The following MCF2L2 variants were observed in gnomAD, a reference collection of about 807,000 sequenced individuals.
MCF2L2 encodes probable guanine nucleotide exchange factor MCF2L2.
MCF2L2 carries 102 observed loss-of-function variants against 150.2 expected under a neutral mutation model. The ratio of observed to expected loss-of-function variants is 0.68; its 90% CI spans 0.58 to 0.80. The LOEUF is 0.80. MCF2L2 is among the 30% of genes least tolerant of loss of function. MCF2L2 has a pLI of 0.00. For missense variants in MCF2L2, 1,256 were observed against 1,372.8 expected, an observed-to-expected ratio of 0.91 and a Z score of 1.34; for synonymous variants, 465 against 491.3, an observed-to-expected ratio of 0.95 and a Z score of 0.71.
intron 10 of MCF2L2, among the ~76,000 whole-genome samples, chr3:183,306,306 GATAA>G (rs1012697380): frequency 6.2e-4 from 95 of 152,190 alleles, no homozygotes; most frequent in African/African-American, 2.2e-3. Flanking sequence ...TCCCACTCAG[GATAA>G]ATAGTCATCA....
At position 183,283,286 on chromosome 3, in the gene MCF2L2, G is replaced by GCCTT. The variant is rs1727606639; in HGVS notation, c.1776+5830_1776+5833dup. On this transcript the variant is annotated intron_variant, in intron 14 of 29. Transcript: ENST00000328913. The surrounding 1 kb of genome is among the most constrained non-coding windows in gnomAD (Gnocchi z 4.2). ...CTGCCAGCGGCTGGTCAGCCTGCCTGCCTTCATCTAACCTGCTCTTTACTG... is the reference window on the plus strand; with the variant it reads ...CTGCCAGCGGCTGGTCAGCCTGCCTGCCTTCCTTCATCTAACCTGCTCTTTACTG... Among the ~76,000 whole-genome samples the GCCTT allele has an allele frequency of 6.6e-6, 1 of 152,132 alleles. No homozygotes were observed. Among genetic ancestry groups the GCCTT allele is most frequent in the Non-Finnish European group, 1.5e-5 (1 of 68,028 alleles).
chr3:183,294,114 C>T (rs1230834828), intron 13 of MCF2L2, among the ~76,000 whole-genome samples: 1 of 152,114 alleles, frequency 6.6e-6, no homozygotes, highest in Non-Finnish European at 1.5e-5. Flanking sequence ...ATAGCCAAAA[C>T]AACCTTGAAA....
At chr3:183,253,119 G>A (rs1480907998) in intron 15 of MCF2L2, 1 of 151,872 alleles carries the variant, frequency 6.6e-6, no homozygotes, top group Non-Finnish European at 1.5e-5. Context: ...CTGGGGCGGG[G>A]CCCATCACCT....
At chr3:183,346,995 T>C (rs28861452) in intron 3 of MCF2L2, among the ~76,000 whole-genome samples, 4,210 of 152,252 alleles carry the variant, frequency 0.028, 207 homozygotes, top group African/African-American at 0.096. Flanking sequence ...AAGTAATTTA[T>C]AGATTTACTG....
intron 10 of MCF2L2, 80 bp downstream of exon 10, chr3:183,309,636 C>T: frequency 6.3e-7 from 1 of 1,589,676 alleles, no homozygotes; most frequent in Admixed American, 1.7e-5. Flanking sequence ...TAGCAACCTT[C>T]CAATAGCAAT....
intron 18 of MCF2L2, chr3:183,225,810 T>C (rs1234093459): frequency 2.0e-5 from 3 of 152,248 alleles, no homozygotes; most frequent in African/African-American, 7.2e-5. Context: ...AAAGCACTTT[T>C]TACTTTATGG....
intron 23 of MCF2L2, among the ~76,000 whole-genome samples, chr3:183,207,158 C>A (rs1722523732): frequency 6.6e-6 from 1 of 152,092 alleles, no homozygotes; most frequent in South Asian, 2.1e-4. Flanking sequence ...GAAACAGTTT[C>A]TAAACAGGTG....
At position 183,178,876 on chromosome 3, in the gene MCF2L2, C is replaced by G. The variant is rs1721406082; in HGVS notation, c.*504G>C. On this transcript the variant is annotated 3_prime_UTR_variant, in exon 30 of 30. Transcript: ENST00000328913. ...GTCTGCGGCCCCCGCCGGGTTGGAG[C>G]GGCTCCGGCTCCTCCAAGGCTCGGG... 6.6e-6 allele frequency: 1 copy of G among 152,498 alleles called. No individual in the cohort carries two copies. Among genetic ancestry groups the G allele is most frequent in the African/African-American group, 2.4e-5 (1 of 41,478 alleles). 9.4% of individuals were successfully genotyped at this position (152,498 alleles called of 1,614,324 possible).
chr3:183,284,337 AACCTCTAGG>A (rs1400564338), intron 14 of MCF2L2, among the ~76,000 whole-genome samples: 1 of 152,234 alleles, frequency 6.6e-6, no homozygotes, highest in African/African-American at 2.4e-5. Flanking sequence ...CTATAAATGT[AACCTCTAGG>A]ACAATGTTAC....
chr3:183,354,616 A>G (rs1042674854), intron 3 of MCF2L2, among the ~76,000 whole-genome samples: 2 of 152,132 alleles, frequency 1.3e-5, no homozygotes, highest in African/African-American at 4.8e-5. Flanking sequence ...TAAGTCTCTC[A>G]CCCAGTGGTT....
At chr3:183,311,093 G>A (rs1425503096) in intron 8 of MCF2L2, 64 bp from the exon 9 acceptor site, 1 of 960,394 alleles carries the variant, frequency 1.0e-6, no homozygotes, top group African/African-American at 1.6e-5. Context: ...ATCCATATAG[G>A]CCTATGGCTA....
chr3:183,370,256 C>A (rs1712786437), intron 3 of MCF2L2, among the ~76,000 whole-genome samples: 1 of 152,204 alleles, frequency 6.6e-6, no homozygotes, highest in South Asian at 2.1e-4. Flanking sequence ...CATATACCTA[C>A]CCTTTCCTAA....
At position 183,179,417 on chromosome 3, in the gene MCF2L2, C is replaced by G. The variant is rs572003260; in HGVS notation, c.3308G>C (p.Arg1103Thr). Residue 1103 changes from arginine to threonine, a missense_variant, in exon 30 of 30, where the codon AGG becomes ACG. Transcript: ENST00000328913. This position sits in a 1 kb window ranked among gnomAD's most constrained non-coding sequence, Gnocchi z 4.2. ...PAGATAGFQARALRPRTSAQE... is the reference protein window; with the variant it reads ...PAGATAGFQATALRPRTSAQE... Reference sequence around the variant, plus strand: ...GGCGGAGGTCCTCGGGCGCAGCGCCCTCGCCTGGAAACCAGCCGTCGCCCC... The same window carrying G: ...GGCGGAGGTCCTCGGGCGCAGCGCCGTCGCCTGGAAACCAGCCGTCGCCCC... 444 of 1,568,418 alleles carry G rather than the reference C, an allele frequency of 2.8e-4. 7 individuals are homozygous for G. The South Asian group carries it at 4.8e-3, about 17-fold the overall frequency.
chr3:183,335,066 T>C (rs9862786), intron 5 of MCF2L2, among the ~76,000 whole-genome samples: 38,589 of 149,774 alleles, frequency 0.26, 7,158 homozygotes, highest in African/African-American at 0.52. Flanking sequence ...TGCAGTGAGC[T>C]GTGATGGCAC....
At chr3:183,316,056 T>C (rs1729590008) in intron 7 of MCF2L2, among the ~76,000 whole-genome samples, 1 of 152,184 alleles carries the variant, frequency 6.6e-6, no homozygotes, top group African/African-American at 2.4e-5. Flanking sequence ...GACACCCCTT[T>C]GCACCAACAG....
chr3:183,311,478 T>G (rs185003766), intron 8 of MCF2L2, among the ~76,000 whole-genome samples, 170 bp downstream of exon 8: 1 of 152,342 alleles, frequency 6.6e-6, no homozygotes, highest in East Asian at 1.9e-4. Context: ...GATCTCTGTA[T>G]GTGGATGCCA....
intron 1 of MCF2L2, among the ~76,000 whole-genome samples, chr3:183,424,272 T>G (rs1403477128): frequency 6.6e-6 from 1 of 152,098 alleles, no homozygotes; most frequent in African/African-American, 2.4e-5. Flanking sequence ...CTGCATATTT[T>G]ATAAGAGTTC....
chr3:183,208,648 A>C (rs1370666036), intron 22 of MCF2L2, among the ~76,000 whole-genome samples: 2 of 152,240 alleles, frequency 1.3e-5, no homozygotes, highest in Non-Finnish European at 2.9e-5. Context: ...TGCTTAAAGC[A>C]GATAAGAATT....
chr3:183,281,801 C>G (rs576487578), intron 14 of MCF2L2, among the ~76,000 whole-genome samples: 44 of 151,860 alleles, frequency 2.9e-4, no homozygotes, highest in Middle Eastern at 6.9e-3. Flanking sequence ...CCTCAGTGTT[C>G]CTGAGGCTTT....
Sources: allele counts gnomAD v4.1 joint callset (sites outside exome capture counted in the v4.1 genomes callset), GRCh38; gene constraint gnomAD v4.1.1; non-coding constraint Gnocchi (gnomAD v3.1); transcripts MANE v1.5; gene names NCBI Gene and HGNC (gene_info 2026-07-23, HGNC 2026-07-21).